COL18A1: variants seen among roughly 807,000 people sequenced by gnomAD.
COL18A1 encodes collagen type XVIII alpha 1 chain, also known as collagen alpha-1(XVIII) chain.
Under a neutral mutation model 168.0 loss-of-function variants are expected in COL18A1, and 133 were observed. The observed-to-expected ratio is 0.79, with a 90% confidence interval of 0.69 to 0.91. COL18A1 has a LOEUF of 0.91. COL18A1 is among the 40% of genes least tolerant of loss of function. The pLI, the probability that COL18A1 is intolerant of heterozygous loss-of-function variation, is 0.00. For synonymous variants in COL18A1, 949 were observed against 809.0 expected (o/e 1.17, Z -2.94); for missense variants, 2,126 against 1,925.4 (o/e 1.10, Z -1.95).
At position 45,505,957 on chromosome 21, in the gene COL18A1, G is replaced by A. The variant is rs1395133564; in HGVS notation, c.3207G>A (p.Arg1069=). 1 of 1,613,174 alleles carries A rather than the reference G, an allele frequency of 6.2e-7. No individual in the cohort carries two copies. The highest frequency in any genetic ancestry group is 2.2e-5 in the East Asian group (1 of 44,882). The change falls in exon 37 of 42, where the codon CGG becomes CGA. Residue 1069 remains arginine (R), a synonymous_variant. Coordinates refer to ENST00000651438, the MANE Select transcript of COL18A1 (RefSeq NM_001379500.1). Reference sequence around the variant, plus strand: ...ACGTCCGCGTGCAGAACGGGTTCCGGAAGGTCCAGGTGAGCGCTCTGTGTG... The same window carrying A: ...ACGTCCGCGTGCAGAACGGGTTCCGAAAGGTCCAGGTGAGCGCTCTGTGTG... ...ELYVRVQNGF[R]KVQLEARTPL... is the part of the protein sequence containing the mutation.
chr21:45,456,205 C>A (rs1042697947), intron 2 of COL18A1: 2 of 1,604,354 alleles, frequency 1.2e-6, no homozygotes, highest in East Asian at 4.5e-5. Context: ...CCTTGCTGGG[C>A]GGGGCCCCTC....
Position 45,425,858 on chromosome 21 carries a change from TGC to T in COL18A1, c.106+20387_106+20388del, listed in dbSNP as rs2145771709. On this transcript the variant is annotated intron_variant, in intron 2 of 41. Coordinates refer to ENST00000651438, the MANE Select transcript of COL18A1 (RefSeq NM_001379500.1). This position sits in a 1 kb window ranked among gnomAD's most constrained non-coding sequence, Gnocchi z 4.1. ...ATCCCAAGTTAGAACAGCACATCTG[TGC>T]GTGCAAACTTCATTCTGACTTCGGC... Among the ~76,000 whole-genome samples, 1 of 152,306 alleles carries T rather than the reference TGC, an allele frequency of 6.6e-6. No individual in the cohort carries two copies. Among genetic ancestry groups the T allele is most frequent in the Admixed American group, 6.5e-5 (1 of 15,314 alleles).
At chr21:45,504,222 C>T (rs2037043949) in intron 33 of COL18A1, 168 bp downstream of exon 33, 1 of 933,862 alleles carries the variant, frequency 1.1e-6, no homozygotes, top group Non-Finnish European at 1.7e-6. Flanking sequence ...TGTTCCTGTC[C>T]CCGGCTCAGT....
At chr21:45,429,326 G>C (rs2145779190) in intron 2 of COL18A1, among the ~76,000 whole-genome samples, 1 of 152,336 alleles carries the variant, frequency 6.6e-6, no homozygotes, top group Middle Eastern at 3.4e-3. Context: ...CCAGGCATGG[G>C]CGTTGCAGGT....
chr21:45,484,311 C>T (rs1371261723), intron 15 of COL18A1, among the ~76,000 whole-genome samples: 1 of 143,898 alleles, frequency 6.9e-6, no homozygotes, highest in Non-Finnish European at 1.5e-5. Context: ...CACACACCTC[C>T]AGCATACATG....
In COL18A1 at chr21:45,487,494, C is replaced by T. The variant is rs370015560; in HGVS notation, c.1881C>T (p.Ser627=). 2.2e-5 allele frequency: 36 copies of T among 1,613,034 alleles called. No homozygotes were observed. The East Asian group carries it at 2.7e-4, about 12-fold the overall frequency. ...GGCCCTTCTGGTCAACAGCCCGAAG[C>T]GCTGATGGGCCACAGGTAGTGTTGT... ...SGGPFWSTAR[S]ADGPQGPPGL... The change falls in exon 17 of 42, where the codon AGC becomes AGT. Residue 627 remains serine (S), a synonymous_variant. Coordinates refer to ENST00000651438, the MANE Select transcript of COL18A1 (RefSeq NM_001379500.1).
chr21:45,456,990 C>T lies in COL18A1; in HGVS notation c.107-11252C>T, dbSNP rs377167594. On this transcript the variant is annotated intron_variant, in intron 2 of 41. Transcript: ENST00000651438. ...AGGTTCCCCCCACATCGAATCTCTA[C>T]GTTCAGGGGCCCGTGGCCCTCGGGA... 4.8e-5 allele frequency: 44 copies of T among 911,770 alleles called. No homozygotes were observed. The South Asian group carries it at 8.4e-4, about 17-fold the overall frequency. 56.5% of individuals were successfully genotyped at this position (911,770 alleles called of 1,614,324 possible).
chr21:45,410,432 A>AC (rs5844234), intron 2 of COL18A1, among the ~76,000 whole-genome samples: 129,024 of 147,854 alleles, frequency 0.87, 55,098 homozygotes, highest in African/African-American at 0.97. Context: ...TCAAGGGCTG[A>AC]CCCTGCGGGG....
chr21:45,479,580 C>G (rs902794964), intron 9 of COL18A1, among the ~76,000 whole-genome samples: 1 of 150,632 alleles, frequency 6.6e-6, no homozygotes, highest in African/African-American at 2.5e-5. Flanking sequence ...CACCACACTC[C>G]TCACACACAC....
At position 45,468,774 on chromosome 21, in the gene COL18A1, T is replaced by C; in HGVS notation, c.639T>C (p.Pro213=). The C allele has an allele frequency of 1.9e-6, 3 of 1,596,984 alleles. No individual in the cohort carries two copies. The highest frequency in any genetic ancestry group is 2.5e-6 in the Non-Finnish European group (3 of 1,177,372). Residue 213 remains proline, a synonymous_variant, in exon 3 of 42, where the codon CCT becomes CCC. Coordinates refer to ENST00000651438, the MANE Select transcript of COL18A1 (RefSeq NM_001379500.1). ...TGGCTCAGGCGGGGGGAGCGGACCCTGACAAGTTCCAGGTAACCCCCACTG... is the reference window on the plus strand; with the variant it reads ...TGGCTCAGGCGGGGGGAGCGGACCCCGACAAGTTCCAGGTAACCCCCACTG... ...LFVAQAGGAD[P]DKFQGVIAEL... is the part of the protein sequence containing the mutation.
In COL18A1 at chr21:45,443,136, G is replaced by A. The variant is rs868848404; in HGVS notation, c.107-25106G>A. ...TGTGGGCGGCGGTGCTGGTGTGGGC[G>A]GCGGTGCTGGTGTGGGCGGCGGTGC... On this transcript the variant is annotated intron_variant, in intron 2 of 41. Transcript: ENST00000651438. This position sits in a 1 kb window ranked among gnomAD's most constrained non-coding sequence, Gnocchi z 5.2. Among the ~76,000 whole-genome samples the A allele has an allele frequency of 6.1e-5, 9 of 146,626 alleles. No individual in the cohort carries two copies. The highest frequency in any genetic ancestry group is 2.2e-4 in the South Asian group (1 of 4,562).
intron 22 of COL18A1, 149 bp from the exon 23 acceptor site, chr21:45,492,386 G>A (rs1449336838): frequency 1.1e-6 from 1 of 937,134 alleles, no homozygotes; most frequent in East Asian, 2.4e-5. Flanking sequence ...TGTGCTGCAG[G>A]AGGGATGCCC....
intron 38 of COL18A1, among the ~76,000 whole-genome samples, chr21:45,508,443 G>C (rs1230492867): frequency 6.6e-6 from 1 of 150,910 alleles, no homozygotes; most frequent in South Asian, 2.1e-4. Flanking sequence ...TGGTGGGTAA[G>C]TGGGTGAGTG....
intron 2 of COL18A1, among the ~76,000 whole-genome samples, chr21:45,458,240 C>A (rs1473010970): frequency 6.7e-6 from 1 of 150,126 alleles, no homozygotes; most frequent in Non-Finnish European, 1.5e-5. Flanking sequence ...AGGGCTGGAG[C>A]TCTCCGAGGC....
rs2033481153 is a variant in COL18A1 at position 45,417,524 on chromosome 21, C to T, written c.106+12051C>T. ...TCCGACTCGAGGGTCTCACGGGTGC[C>T]CCCGCCCTGCCTGGCCCAGCTGCCC... On this transcript the variant is annotated intron_variant, in intron 2 of 41. Transcript: ENST00000651438. 2.0e-5 allele frequency among the ~76,000 whole-genome samples: 3 copies of T among 152,178 alleles called. No individual in the cohort carries two copies. In the South Asian group the frequency reaches 6.2e-4, roughly 31 times the overall value.
At chr21:45,508,283 G>A (rs1423792787) in intron 38 of COL18A1, among the ~76,000 whole-genome samples, 4 of 149,888 alleles carry the variant, frequency 2.7e-5, no homozygotes, top group Non-Finnish European at 5.9e-5. Flanking sequence ...TGGGTAGGTA[G>A]ATGGGGAGGT....
At chr21:45,418,242 G>A (rs964648476) in intron 2 of COL18A1, among the ~76,000 whole-genome samples, 3 of 152,224 alleles carry the variant, frequency 2.0e-5, no homozygotes, top group African/African-American at 7.2e-5. Context: ...ATCCCTGGTG[G>A]GGGCAGAGGG....
At chr21:45,497,274 C>T (rs529552497) in intron 31 of COL18A1, among the ~76,000 whole-genome samples, 182 bp downstream of exon 31, 4 of 152,378 alleles carry the variant, frequency 2.6e-5, no homozygotes, top group South Asian at 2.1e-4. Flanking sequence ...CCAGCACAGC[C>T]GTCCAGGACC....
At chr21:45,487,397 T>TGTG in intron 16 of COL18A1, 50 bp from the exon 17 acceptor site, 1 of 1,597,624 alleles carries the variant, frequency 6.3e-7, no homozygotes, top group Non-Finnish European at 8.6e-7. Flanking sequence ...GGAGGGGTCC[T>TGTG]TCCCTAAGAA....
Sources: allele counts gnomAD v4.1 joint callset (sites outside exome capture counted in the v4.1 genomes callset), GRCh38; gene constraint gnomAD v4.1.1; non-coding constraint Gnocchi (gnomAD v3.1); transcripts MANE v1.5; gene names NCBI Gene and HGNC (gene_info 2026-07-23, HGNC 2026-07-21).